Variants in PTPN12 observed in about 807,000 individuals in gnomAD.
PTPN12 encodes the protein tyrosine-protein phosphatase non-receptor type 12.
In PTPN12, 29 loss-of-function variants were observed where a neutral mutation model predicts 97.6. The ratio of observed to expected loss-of-function variants is 0.30; its 90% CI spans 0.22 to 0.41. The LOEUF (loss-of-function observed/expected upper bound fraction) is 0.41, where lower values mean the gene tolerates loss of function less well. Among genes scored for constraint, PTPN12 ranks in the 10% least tolerant of loss-of-function variants. The pLI, the probability that PTPN12 is intolerant of heterozygous loss-of-function variation, is 1.00. For synonymous variants in PTPN12, 327 were observed against 300.4 expected, an observed-to-expected ratio of 1.09 and a Z score of -0.91; for missense variants, 819 against 926.0, an observed-to-expected ratio of 0.88 and a Z score of 1.50.
chr7:77,632,346 AG>A lies in PTPN12; in HGVS notation c.1997-1del. ...GTCTAAATTTTTATGTGTTTAATTTAGATGTTGATGTTAGTGAAGATTCACC... is the reference window on the plus strand; with the variant it reads ...GTCTAAATTTTTATGTGTTTAATTTAATGTTGATGTTAGTGAAGATTCACC... On this transcript the variant is annotated splice_acceptor_variant, in intron 13 of 17. Coordinates refer to ENST00000248594, the MANE Select transcript of PTPN12 (RefSeq NM_002835.4). LOFTEE classifies it high-confidence loss of function. 1 of 1,590,796 alleles carries A rather than the reference AG, an allele frequency of 6.3e-7. No individual in the cohort carries two copies. The highest frequency in any genetic ancestry group is 8.6e-7 in the Non-Finnish European group (1 of 1,159,074).
chr7:77,588,049 C>T (rs1331067316), intron 5 of PTPN12, among the ~76,000 whole-genome samples: 1 of 152,172 alleles, frequency 6.6e-6, no homozygotes, highest in Non-Finnish European at 1.5e-5. Flanking sequence ...AAACTTTCTC[C>T]ATGTAAGCAA....
chr7:77,627,045 T>C lies in PTPN12; in HGVS notation c.1366T>C (p.Leu456=), dbSNP rs1204745561. 6.2e-7 allele frequency: 1 copy of C among 1,613,220 alleles called. No homozygotes were observed. The highest frequency in any genetic ancestry group is 8.5e-7 in the Non-Finnish European group (1 of 1,179,556). ...GPKSFDGNTL[L]NRGHAIKIKS... ...AAAAAGTTTTGATGGGAACACACTT[T>C]TGAATAGGGGACATGCAATTAAAAT... Residue 456 remains leucine (L), a synonymous_variant, in exon 13 of 18, where the codon TTG becomes CTG. Transcript: ENST00000248594.
intron 2 of PTPN12, among the ~76,000 whole-genome samples, chr7:77,578,252 A>G (rs1475868956): frequency 2.0e-5 from 3 of 152,202 alleles, no homozygotes; most frequent in Non-Finnish European, 2.9e-5. Context: ...ACATGGTAAG[A>G]GGAAGCTTCC....
chr7:77,539,674 G>C (rs766982854), intron 1 of PTPN12, among the ~76,000 whole-genome samples: 39 of 152,090 alleles, frequency 2.6e-4, no homozygotes, highest in Non-Finnish European at 3.8e-4. Flanking sequence ...TGTCGCCCCG[G>C]CTGGAGTGCA....
intron 16 of PTPN12, 65 bp downstream of exon 16, chr7:77,637,113 A>T: frequency 7.7e-7 from 1 of 1,297,700 alleles, no homozygotes; most frequent in Non-Finnish European, 1.1e-6. Context: ...CTACAAAATA[A>T]CATGCTTCAT....
At chr7:77,581,180 G>A (rs1473430969) in intron 2 of PTPN12, among the ~76,000 whole-genome samples, 1 of 152,034 alleles carries the variant, frequency 6.6e-6, no homozygotes, top group East Asian at 1.9e-4. Flanking sequence ...AGTTTCAAGT[G>A]GTTCTCCTGC....
At chr7:77,548,660 C>G (rs535826346) in intron 1 of PTPN12, among the ~76,000 whole-genome samples, 6 of 152,240 alleles carry the variant, frequency 3.9e-5, no homozygotes, top group Admixed American at 2.0e-4. Flanking sequence ...TTCCTACCCC[C>G]CTAGAGTAGA....
chr7:77,631,417 A>G (rs1789392631), intron 13 of PTPN12, among the ~76,000 whole-genome samples: 1 of 152,184 alleles, frequency 6.6e-6, no homozygotes, highest in Admixed American at 6.5e-5. Flanking sequence ...TCATGGCAGA[A>G]CTGTGTGTTC....
At chr7:77,578,619 T>A (rs563412983) in intron 2 of PTPN12, among the ~76,000 whole-genome samples, 34 of 152,302 alleles carry the variant, frequency 2.2e-4, no homozygotes, top group African/African-American at 7.7e-4. Flanking sequence ...AAAAATAAAT[T>A]AGTTACTATT....
intron 5 of PTPN12, among the ~76,000 whole-genome samples, chr7:77,590,664 G>A (rs542275324): frequency 2.6e-4 from 39 of 151,662 alleles, no homozygotes; most frequent in African/African-American, 8.2e-4. Flanking sequence ...AGGTTCAAAC[G>A]ATTCTCATGT....
In PTPN12 at chr7:77,635,797, C is replaced by T. The variant is rs867920948; in HGVS notation, c.2090C>T (p.Ser697Leu). 3.1e-6 allele frequency: 5 copies of T among 1,599,390 alleles called. No homozygotes were observed. The highest frequency in any genetic ancestry group is 2.6e-6 in the Non-Finnish European group (3 of 1,173,860). Residue 697 changes from serine (S) to leucine (L), a missense_variant, in exon 15 of 18, where the codon TCG (serine) becomes TTG (leucine). Transcript: ENST00000248594. The stretch of plus-strand genomic sequence containing the variant: ...TTTTTCTCAGATACACCTGTAAGAT[C>T]GGAATGGAGTGAACTTCAAAGTCAG... ...LASEHNTPVR[S>L]EWSELQSQER...
intron 12 of PTPN12, among the ~76,000 whole-genome samples, chr7:77,621,933 A>G (rs946772417): frequency 1.3e-5 from 2 of 152,134 alleles, no homozygotes; most frequent in Non-Finnish European, 2.9e-5. Context: ...CATGTCTTTC[A>G]GTAATTTTTA....
intron 8 of PTPN12, among the ~76,000 whole-genome samples, chr7:77,605,943 A>ATTTT (rs1788356785): frequency 2.4e-5 from 2 of 84,428 alleles, no homozygotes; most frequent in African/African-American, 1.1e-4. Flanking sequence ...AACAAGAGCC[A>ATTTT]TCTTTTTTTT....
chr7:77,580,362 ATCTT>A (rs1430747246), intron 2 of PTPN12, among the ~76,000 whole-genome samples: 8 of 152,270 alleles, frequency 5.3e-5, no homozygotes, highest in Middle Eastern at 3.4e-3. Context: ...AATAAAGTAA[ATCTT>A]TCTGTGCTTT....
chr7:77,538,833 C>T (rs761245485), intron 1 of PTPN12: 17 of 151,928 alleles, frequency 1.1e-4, no homozygotes, highest in Non-Finnish European at 2.1e-4. Flanking sequence ...AAGACTGGGG[C>T]GTTGGAAACC....
chr7:77,538,273 TCTC>T (rs1253267496), intron 1 of PTPN12, among the ~76,000 whole-genome samples: 3 of 152,058 alleles, frequency 2.0e-5, no homozygotes, highest in Non-Finnish European at 4.4e-5. Flanking sequence ...GCGTCCCGCT[TCTC>T]CTCTCCTGAG....
At position 77,585,557 on chromosome 7, in the gene PTPN12, C is replaced by T; in HGVS notation, c.396C>T (p.Ala132=). The T allele has an allele frequency of 1.2e-6, 2 of 1,607,206 alleles. No homozygotes were observed. Among genetic ancestry groups the T allele is most frequent in the Non-Finnish European group, 8.5e-7 (1 of 1,174,348 alleles). ...WEYNVVIIVM[A]CREFEMGRKK... Reference sequence around the variant, plus strand: ...TCACTTTTTAGATCATTGTAATGGCCTGCCGAGAATTTGAGATGGGAAGGG... The same window carrying T: ...TCACTTTTTAGATCATTGTAATGGCTTGCCGAGAATTTGAGATGGGAAGGG... The change falls in exon 5 of 18, where the codon GCC becomes GCT. Residue 132 remains alanine, a synonymous_variant. Transcript: ENST00000248594.
chr7:77,552,644 G>T (rs1011862827), intron 1 of PTPN12, among the ~76,000 whole-genome samples: 1 of 152,298 alleles, frequency 6.6e-6, no homozygotes, highest in East Asian at 1.9e-4. Flanking sequence ...TTTAAAGAGG[G>T]TGTAAACGAA....
At position 77,585,451 on chromosome 7, in the gene PTPN12, G is replaced by A. The variant is rs935451429; in HGVS notation, c.382-92G>A. Reference sequence around the variant, plus strand: ...TTAGGCAAGCCAATTATACTTCTCGGTGCAAAATTCTTGAAATCTGTATTT... The same window carrying A: ...TTAGGCAAGCCAATTATACTTCTCGATGCAAAATTCTTGAAATCTGTATTT... On this transcript the variant is annotated intron_variant, in intron 4 of 17. Coordinates refer to ENST00000248594, the MANE Select transcript of PTPN12 (RefSeq NM_002835.4). 3.6e-6 allele frequency: 4 copies of A among 1,122,278 alleles called. No individual in the cohort carries two copies. The African/African-American group carries it at 6.3e-5, about 18-fold the overall frequency. The allele number at this position is 1,122,278 out of a possible 1,614,324, so 69.5% of individuals were successfully genotyped here.
Sources: gnomAD v4.1 joint callset for allele counts (sites outside exome capture counted in the v4.1 genomes callset) on GRCh38, gnomAD v4.1.1 for gene constraint, MANE v1.5 for transcripts, NCBI Gene and HGNC (gene_info 2026-07-23, HGNC 2026-07-21) for gene names.